COL11A1: variants seen among roughly 807,000 people sequenced by gnomAD.
COL11A1 encodes the protein collagen alpha-1(XI) chain.
COL11A1 carries 74 observed loss-of-function variants against 265.2 expected under a neutral mutation model. That is an observed-to-expected ratio of 0.28 (90% CI 0.23 to 0.34). COL11A1 has a LOEUF of 0.34. Among genes scored for constraint, COL11A1 ranks in the 10% least tolerant of loss-of-function variants. The pLI, the probability that COL11A1 is intolerant of heterozygous loss-of-function variation, is 1.00. For synonymous variants in COL11A1, 816 were observed against 727.6 expected (o/e 1.12, Z -1.96); for missense variants, 2,165 against 2,263.6 (o/e 0.96, Z 0.88).
At chr1:102,962,139 G>T in intron 40 of COL11A1, 37 bp downstream of exon 40, 1 of 1,502,600 alleles carries the variant, frequency 6.7e-7, no homozygotes, top group Non-Finnish European at 9.3e-7. Context: ...TAAACAATTG[G>T]AATCACTTGC....
chr1:103,033,999 A>AC (rs796101306), intron 4 of COL11A1, among the ~76,000 whole-genome samples: 6 of 151,270 alleles, frequency 4.0e-5, no homozygotes, highest in Non-Finnish European at 7.4e-5. Context: ...CTTTCCCCCT[A>AC]CCCCCCAGAA....
At chr1:102,996,793 G>C (rs913604432) in intron 26 of COL11A1, among the ~76,000 whole-genome samples, 4 of 151,718 alleles carry the variant, frequency 2.6e-5, no homozygotes, top group Admixed American at 1.3e-4. Flanking sequence ...CAGTAATATT[G>C]AGTAATTCTT....
chr1:103,107,171 G>T (rs1674758913), intron 1 of COL11A1, among the ~76,000 whole-genome samples: 1 of 151,984 alleles, frequency 6.6e-6, no homozygotes, highest in Non-Finnish European at 1.5e-5. Flanking sequence ...TCCCTCCGTG[G>T]GTACTGACAG....
intron 46 of COL11A1, among the ~76,000 whole-genome samples, chr1:102,929,264 T>C (rs1011902883): frequency 6.6e-6 from 1 of 151,548 alleles, no homozygotes; most frequent in African/African-American, 2.4e-5. Flanking sequence ...GAATTGATTT[T>C]TGTATAAGGT....
chr1:102,946,662 A>G (rs1419274962), intron 42 of COL11A1, among the ~76,000 whole-genome samples, 187 bp downstream of exon 42: 1 of 152,162 alleles, frequency 6.6e-6, no homozygotes, highest in Non-Finnish European at 1.5e-5. Context: ...AAAGTGTGGG[A>G]AAATGTCATC....
In COL11A1 at chr1:103,014,823, A is replaced by G. The variant is rs530795372; in HGVS notation, c.1489-229T>C. ...ACCATTTGTAGAAGAAGAAACTAGA[A>G]ACTCTGTTTCAATTTTAAATGCTAT... On this transcript the variant is annotated intron_variant, in intron 12 of 66. Coordinates refer to ENST00000370096, the MANE Select transcript of COL11A1 (RefSeq NM_001854.4). 1.5e-3 allele frequency among the ~76,000 whole-genome samples: 231 copies of G among 152,222 alleles called. 1 individual carries two copies. The highest frequency in any genetic ancestry group is 0.01 in the Middle Eastern group (3 of 294).
At chr1:103,062,992 A>G (rs1034911084) in intron 4 of COL11A1, among the ~76,000 whole-genome samples, 3 of 152,038 alleles carry the variant, frequency 2.0e-5, no homozygotes, top group Non-Finnish European at 2.9e-5. Flanking sequence ...AAAAAGAAAT[A>G]CATATGTATA....
In COL11A1 at chr1:102,883,215, T is replaced by C. The variant is rs1650475318; in HGVS notation, c.4955A>G (p.Asp1652Gly). 1.9e-6 allele frequency: 3 copies of C among 1,611,626 alleles called. No individual in the cohort carries two copies. The highest frequency in any genetic ancestry group is 2.5e-6 in the Non-Finnish European group (3 of 1,177,916). Reference sequence around the variant, plus strand: ...GGTACTTACTCCCTCAGATTTTTTGTCTGGATAAATGCAAGTCTCACCACC... The same window carrying C: ...GGTACTTACTCCCTCAGATTTTTTGCCTGGATAAATGCAAGTCTCACCACC... The part of the protein sequence containing the change: ...TSGGETCIYP[D>G]KKSEGVRISS... The change falls in exon 64 of 67, where the codon GAC becomes GGC. Residue 1652 changes from aspartate (D) to glycine (G), a missense_variant. Transcript: ENST00000370096.
intron 63 of COL11A1, among the ~76,000 whole-genome samples, chr1:102,884,737 A>T (rs1308083602): frequency 1.3e-5 from 2 of 152,200 alleles, no homozygotes; most frequent in Admixed American, 1.3e-4. Context: ...TGCAAACCTC[A>T]GAAGCATGCC....
At position 102,913,655 on chromosome 1, in the gene COL11A1, A is replaced by G; in HGVS notation, c.4014T>C (p.Asp1338=). ...QDGVGGDKGE[D]GDPGQPGPPG... ...TACTCACCGGTTGACCAGGATCTCCATCTTCACCCTTGTCACCACCAACAC... is the reference window on the plus strand; with the variant it reads ...TACTCACCGGTTGACCAGGATCTCCGTCTTCACCCTTGTCACCACCAACAC... The change falls in exon 53 of 67, where the codon GAT becomes GAC. Residue 1338 remains aspartate (D), a synonymous_variant. Coordinates refer to ENST00000370096, the MANE Select transcript of COL11A1 (RefSeq NM_001854.4). 4.3e-6 allele frequency: 7 copies of G among 1,613,610 alleles called. No individual in the cohort carries two copies. Among genetic ancestry groups the G allele is most frequent in the Middle Eastern group, 1.7e-4 (1 of 6,052 alleles).
rs764447313 is a variant in COL11A1, at chr1:102,984,521, C to A, written c.2503-330G>T. ...AAGCATGGTTAAAAATACTTCTAAG[C>A]TTTTTCAACATTAAATACTATTTTA... On this transcript the variant is annotated intron_variant, in intron 30 of 66. Coordinates refer to ENST00000370096, the MANE Select transcript of COL11A1 (RefSeq NM_001854.4). 5.9e-5 allele frequency among the ~76,000 whole-genome samples: 9 copies of A among 152,038 alleles called. No individual in the cohort carries two copies. The East Asian group carries it at 1.5e-3, about 26-fold the overall frequency.
At chr1:102,904,951 T>C (rs1052593874) in intron 54 of COL11A1, among the ~76,000 whole-genome samples, 2 of 151,972 alleles carry the variant, frequency 1.3e-5, no homozygotes, top group Non-Finnish European at 2.9e-5. Context: ...CTATTCACAA[T>C]AGCAAAGACT....
At chr1:102,983,273 A>G (rs994291170) in intron 31 of COL11A1, among the ~76,000 whole-genome samples, 1 of 152,088 alleles carries the variant, frequency 6.6e-6, no homozygotes, top group Non-Finnish European at 1.5e-5. Context: ...ATGAGATTTG[A>G]GTGATGCAGC....
intron 3 of COL11A1, among the ~76,000 whole-genome samples, chr1:103,075,075 A>C (rs1367820444): frequency 6.6e-6 from 1 of 152,070 alleles, no homozygotes; most frequent in Non-Finnish European, 1.5e-5. Context: ...CAAAAGCTTA[A>C]TCTCACTGTG....
Position 102,911,795 on chromosome 1 carries a change from GTT to G in COL11A1, c.4086+362_4086+363del, listed in dbSNP as rs369455314. On this transcript the variant is annotated intron_variant, in intron 54 of 66. Coordinates refer to ENST00000370096, the MANE Select transcript of COL11A1 (RefSeq NM_001854.4). ...ATTGATGCATTCATGTTTTTACAAT[GTT>G]TTAAGCTAGCACTGGACTTTTGACA... 4.9e-4 allele frequency among the ~76,000 whole-genome samples: 74 copies of G among 152,230 alleles called. 1 individual carries two copies. Among genetic ancestry groups the G allele is most frequent in the South Asian group, 3.3e-3 (16 of 4,826 alleles).
chr1:102,887,999 G>A (rs1651221100), intron 62 of COL11A1, among the ~76,000 whole-genome samples: 1 of 152,026 alleles, frequency 6.6e-6, no homozygotes, highest in African/African-American at 2.4e-5. Context: ...TTTGTGGTTT[G>A]AGCCACCGAC....
chr1:103,069,268 T>A (rs1340134764), intron 4 of COL11A1, among the ~76,000 whole-genome samples: 1 of 151,820 alleles, frequency 6.6e-6, no homozygotes, highest in Non-Finnish European at 1.5e-5. Context: ...TGGTAGTCAA[T>A]TAATTTCTGA....
intron 30 of COL11A1, 132 bp downstream of exon 30, chr1:102,987,501 A>C: frequency 3.9e-6 from 3 of 770,840 alleles, no homozygotes; most frequent in Non-Finnish European, 6.7e-6. Flanking sequence ...TTGCAAATTT[A>C]AAATGATAAT....
At chr1:103,004,785 C>T (rs888393348) in intron 18 of COL11A1, 124 bp from the exon 19 acceptor site, 7 of 772,380 alleles carry the variant, frequency 9.1e-6, no homozygotes, top group Non-Finnish European at 1.4e-5. Context: ...GCTTTATTTA[C>T]CCTCCTCAAA....
Sources: allele counts gnomAD v4.1 joint callset (sites outside exome capture counted in the v4.1 genomes callset), GRCh38; gene constraint gnomAD v4.1.1; transcripts MANE v1.5; gene names NCBI Gene and HGNC (gene_info 2026-07-23, HGNC 2026-07-21).